Variants in AGMO observed in about 807,000 individuals in gnomAD.
AGMO encodes glyceryl-ether monooxygenase.
Under a neutral mutation model 60.2 loss-of-function variants are expected in AGMO, and 75 were observed. The observed-to-expected ratio is 1.25, with a 90% CI of 1.03 to 1.51. The LOEUF (loss-of-function observed/expected upper bound fraction) is 1.51, where lower values mean the gene tolerates loss of function less well. AGMO is among the 40% of genes most tolerant of loss of function. The probability of loss-of-function intolerance (pLI) is 0.00; values close to 1 mark genes in which losing one functional copy is unlikely to be tolerated. For missense variants in AGMO, 763 were observed against 525.5 expected (o/e 1.45, Z -4.42); for synonymous variants, 261 against 177.1 (o/e 1.47, Z -3.76).
chr7:15,207,604 A>G (rs1188738557), intron 12 of AGMO, among the ~76,000 whole-genome samples: 2 of 152,216 alleles, frequency 1.3e-5, no homozygotes, highest in African/African-American at 4.8e-5. Context: ...TTTTTAGTTT[A>G]ACTTTGTCAA....
At chr7:15,525,499 A>G (rs1784104573) in intron 3 of AGMO, among the ~76,000 whole-genome samples, 1 of 151,986 alleles carries the variant, frequency 6.6e-6, no homozygotes, top group Non-Finnish European at 1.5e-5. Flanking sequence ...GCACTCCCCA[A>G]TTCTGAGCCC....
At chr7:15,351,305 G>A (rs762148375) in intron 12 of AGMO, among the ~76,000 whole-genome samples, 5 of 152,106 alleles carry the variant, frequency 3.3e-5, no homozygotes, top group Non-Finnish European at 5.9e-5. Flanking sequence ...TCACTTCTCC[G>A]CCATTATGTA....
intron 12 of AGMO, among the ~76,000 whole-genome samples, chr7:15,222,492 T>C (rs113936332): frequency 2.0e-5 from 3 of 152,182 alleles, no homozygotes; most frequent in African/African-American, 7.2e-5. Flanking sequence ...AGCAAAAACA[T>C]GTTTTTCAAT....
chr7:15,203,999 T>C (rs1369833782), intron 12 of AGMO, among the ~76,000 whole-genome samples: 1 of 152,090 alleles, frequency 6.6e-6, no homozygotes, highest in African/African-American at 2.4e-5. Context: ...AATTTTTATA[T>C]ATAATAAAAT....
At chr7:15,318,950 G>A (rs1419723807) in intron 12 of AGMO, among the ~76,000 whole-genome samples, 1 of 152,050 alleles carries the variant, frequency 6.6e-6, no homozygotes, top group Non-Finnish European at 1.5e-5. Context: ...TCTTATTGGT[G>A]ATAGTCACTG....
intron 12 of AGMO, among the ~76,000 whole-genome samples, chr7:15,339,810 G>A (rs974594584): frequency 6.6e-6 from 1 of 152,160 alleles, no homozygotes; most frequent in South Asian, 2.1e-4. Context: ...GTTAATGAAA[G>A]CATGATATTT....
chr7:15,173,201 A>C, the AGMO span, among the ~76,000 whole-genome samples: 5 of 152,162 alleles, frequency 3.3e-5, no homozygotes, highest in South Asian at 2.1e-4. Context: ...TTATTGAAGT[A>C]AATCTATTGA....
chr7:15,374,545 G>C lies in AGMO; in HGVS notation c.1075-8323C>G, dbSNP rs917922021. Among the ~76,000 whole-genome samples the C allele has an allele frequency of 2.6e-5, 4 of 152,028 alleles. No individual in the cohort carries two copies. In the East Asian group the frequency reaches 7.7e-4, roughly 29 times the overall value. ...CTATGGTTCTACTCCATTAAAATAT[G>C]AATGTGTACCTGATAAGATAGAGAA... On this transcript the variant is annotated intron_variant, in intron 10 of 12. Transcript: ENST00000342526.
At chr7:15,459,197 T>A (rs1782071753) in intron 3 of AGMO, among the ~76,000 whole-genome samples, 1 of 152,220 alleles carries the variant, frequency 6.6e-6, no homozygotes, top group African/African-American at 2.4e-5. Flanking sequence ...TTCGTCAATT[T>A]GATTGATTTA....
At chr7:15,301,329 C>T (rs938129996) in intron 12 of AGMO, among the ~76,000 whole-genome samples, 11 of 151,978 alleles carry the variant, frequency 7.2e-5, no homozygotes, top group African/African-American at 2.7e-4. Flanking sequence ...ATCCCAGCAA[C>T]TCGGGAGGCT....
intron 12 of AGMO, among the ~76,000 whole-genome samples, chr7:15,349,741 G>A (rs962452294): frequency 6.6e-6 from 1 of 152,138 alleles, no homozygotes; most frequent in African/African-American, 2.4e-5. Context: ...AATCATGGCA[G>A]AAGGCATCTC....
At chr7:15,369,657 T>A (rs1783123664) in intron 10 of AGMO, among the ~76,000 whole-genome samples, 1 of 152,182 alleles carries the variant, frequency 6.6e-6, no homozygotes, top group Non-Finnish European at 1.5e-5. Flanking sequence ...TTCATATGAT[T>A]TTCCACTTCT....
chr7:15,449,244 T>C (rs1781791895), intron 3 of AGMO, among the ~76,000 whole-genome samples: 1 of 152,148 alleles, frequency 6.6e-6, no homozygotes, highest in African/African-American at 2.4e-5. Context: ...ACCAAGTTAA[T>C]CCTCAGAAAG....
intron 12 of AGMO, among the ~76,000 whole-genome samples, chr7:15,303,379 C>G (rs1780510324): frequency 6.6e-6 from 1 of 150,436 alleles, no homozygotes; most frequent in African/African-American, 2.5e-5. Flanking sequence ...AAAATACTAG[C>G]AAGATGAATG....
intron 12 of AGMO, among the ~76,000 whole-genome samples, chr7:15,342,264 A>G (rs1409957099): frequency 1.3e-5 from 2 of 151,344 alleles, no homozygotes; most frequent in East Asian, 1.9e-4. Flanking sequence ...CAGCTGAGAA[A>G]GCCATGGTCA....
At chr7:15,523,625 C>A in intron 3 of AGMO, among the ~76,000 whole-genome samples, 1 of 151,944 alleles carries the variant, frequency 6.6e-6, no homozygotes, top group Non-Finnish European at 1.5e-5. Context: ...AAGTAGGAGT[C>A]GAACAATGAG....
chr7:15,271,385 T>G (rs554219505), intron 12 of AGMO, among the ~76,000 whole-genome samples: 38 of 152,158 alleles, frequency 2.5e-4, no homozygotes, highest in Non-Finnish European at 5.1e-4. Flanking sequence ...CCTTTCAGCT[T>G]CTTGGTTAAA....
At chr7:15,300,369 T>C (rs558103425) in intron 12 of AGMO, among the ~76,000 whole-genome samples, 72 of 152,282 alleles carry the variant, frequency 4.7e-4, no homozygotes, top group Middle Eastern at 6.8e-3. Context: ...AATTTGGGTA[T>C]GTTGAACATC....
intron 3 of AGMO, among the ~76,000 whole-genome samples, chr7:15,471,560 T>G (rs1348281606): frequency 6.6e-6 from 1 of 151,862 alleles, no homozygotes; most frequent in Non-Finnish European, 1.5e-5. Flanking sequence ...TTTAGTAGCT[T>G]TAACTATAAA....
Sources: allele counts gnomAD v4.1 joint callset (sites outside exome capture counted in the v4.1 genomes callset), GRCh38; gene constraint gnomAD v4.1.1; transcripts MANE v1.5; gene names NCBI Gene and HGNC (gene_info 2026-07-23, HGNC 2026-07-21).